The following ALG1L2 variants were observed in gnomAD, a reference collection of about 807,000 sequenced individuals.
ALG1L2 encodes the protein putative glycosyltransferase ALG1L2.
ALG1L2 carries 32 observed loss-of-function variants against 29.0 expected under a neutral mutation model. The observed-to-expected ratio is 1.10, with a 90% CI of 0.83 to 1.48. The LOEUF is 1.48. Ranked by LOEUF, ALG1L2 falls within the 40% of genes most tolerant of loss-of-function variation. The pLI, the probability that ALG1L2 is intolerant of heterozygous loss-of-function variation, is 0.00. For missense variants in ALG1L2, 318 were observed against 274.1 expected, an observed-to-expected ratio of 1.16 and a Z score of -1.13; for synonymous variants, 110 against 109.5, an observed-to-expected ratio of 1.00 and a Z score of -0.03.
intron 1 of ALG1L2, 119 bp from the exon 2 acceptor site, chr3:130,091,142 A>G (rs1428914195): frequency 1.1e-6 from 1 of 903,484 alleles, no homozygotes; most frequent in Non-Finnish European, 1.7e-6. Flanking sequence ...GAAGAAGGAA[A>G]TAAAGGTTGT....
At chr3:130,086,495 C>T (rs1256642801) in intron 1 of ALG1L2, among the ~76,000 whole-genome samples, 10 of 149,048 alleles carry the variant, frequency 6.7e-5, no homozygotes, top group East Asian at 1.9e-4. Flanking sequence ...AGTGAGACCT[C>T]GTCTCTACAA....
chr3:130,094,989 G>A (rs1218623389), intron 5 of ALG1L2, among the ~76,000 whole-genome samples: 1 of 152,160 alleles, frequency 6.6e-6, no homozygotes, highest in Non-Finnish European at 1.5e-5. Flanking sequence ...TTCCAGCTTC[G>A]AGTGAGCAGA....
At chr3:130,088,723 T>A (rs1934946280) in intron 1 of ALG1L2, among the ~76,000 whole-genome samples, 1 of 151,648 alleles carries the variant, frequency 6.6e-6, no homozygotes, top group Admixed American at 6.6e-5. Flanking sequence ...CTGCCTGATC[T>A]AATGGTTTTA....
chr3:130,086,431 C>G (rs187447874), intron 1 of ALG1L2, among the ~76,000 whole-genome samples: 1 of 149,760 alleles, frequency 6.7e-6, no homozygotes, highest in African/African-American at 2.4e-5. Context: ...CTTTGGGAGG[C>G]CAAGGCGGGA....
At position 130,086,087 on chromosome 3, in the gene ALG1L2, C is replaced by T. The variant is rs192770055; in HGVS notation, c.20+4051C>T. Among the ~76,000 whole-genome samples, 836 of 151,538 alleles carry T rather than the reference C, an allele frequency of 5.5e-3. 1 individual carries two copies. The highest frequency in any genetic ancestry group is 8.4e-3 in the Non-Finnish European group (571 of 67,654). ...GGTCCCAGGTGGACAGAAATCACCA[C>T]GATCCCCTCTTGGCCCCAACCAACA... On this transcript the variant is annotated intron_variant, in intron 1 of 7. Transcript: ENST00000425059.
chr3:130,081,908 G>C lies in ALG1L2; in HGVS notation c.-109G>C. ...AGACAGGTGTGCAAAGGCTCAGAGG[G>C]AGCTTCTCCAGGATCAGCAGAGCTC... On this transcript the variant is annotated 5_prime_UTR_variant, in exon 1 of 8. Coordinates refer to ENST00000425059, the MANE Select transcript of ALG1L2 (RefSeq NM_001136152.1). The C allele has an allele frequency of 7.4e-7, 1 of 1,359,536 alleles. No homozygotes were observed. The highest frequency in any genetic ancestry group is 1.0e-6 in the Non-Finnish European group (1 of 975,036). 84.2% of individuals were successfully genotyped at this position (1,359,536 alleles called of 1,614,324 possible).
chr3:130,091,021 C>G (rs1009018921), intron 1 of ALG1L2: 6 of 512,124 alleles, frequency 1.2e-5, no homozygotes, highest in African/African-American at 1.2e-4. Flanking sequence ...TTAGACCTAG[C>G]CTGGTGCAAT....
intron 7 of ALG1L2, 31 bp downstream of exon 7, chr3:130,097,281 A>G (rs765309879): frequency 1.2e-6 from 2 of 1,601,800 alleles, no homozygotes; most frequent in South Asian, 2.2e-5. Flanking sequence ...GCCAGGGTGG[A>G]CAGGGTTCTG....
At chr3:130,092,312 C>T (rs1935035783) in intron 3 of ALG1L2, 90 bp downstream of exon 3, 2 of 1,589,304 alleles carry the variant, frequency 1.3e-6, no homozygotes, top group Admixed American at 1.8e-5. Flanking sequence ...CTGCATGCCC[C>T]AACCCCACCA....
chr3:130,087,215 G>A (rs1199057269), intron 1 of ALG1L2, among the ~76,000 whole-genome samples: 1 of 150,556 alleles, frequency 6.6e-6, no homozygotes, highest in Non-Finnish European at 1.5e-5. Flanking sequence ...CTGATGCAAT[G>A]CACAGAGAAC....
rs533965638 is a variant in ALG1L2 at position 130,098,344 on chromosome 3, C to T, written c.*89C>T. 25 of 1,596,374 alleles carry T rather than the reference C, an allele frequency of 1.6e-5. No homozygotes were observed. The African/African-American group carries it at 2.8e-4, about 18-fold the overall frequency. On this transcript the variant is annotated 3_prime_UTR_variant, in exon 8 of 8. Transcript: ENST00000425059. ...TGAGAGCTGGGTGCAGACTGTGCTC[C>T]CTTTGGTTATGGACACATAACTCCT...
At chr3:130,091,978 T>A in intron 2 of ALG1L2, 123 bp from the exon 3 acceptor site, 1 of 1,502,970 alleles carries the variant, frequency 6.7e-7, no homozygotes, top group Non-Finnish European at 9.0e-7. Flanking sequence ...GGCCTGGTGC[T>A]GCTGATGCAG....
In ALG1L2 at chr3:130,081,854, A is replaced by G. The variant is rs1282787476; in HGVS notation, c.-163A>G. 2.0e-6 allele frequency: 2 copies of G among 1,013,332 alleles called. No individual in the cohort carries two copies. Among genetic ancestry groups the G allele is most frequent in the African/African-American group, 3.1e-5 (2 of 64,534 alleles). 62.8% of individuals were successfully genotyped at this position (1,013,332 alleles called of 1,614,324 possible). Reference sequence around the variant, plus strand: ...AGGTGGGAGGTGACACCAGGAGGTAACCAGGTGGAAATCACCCTCAAGTAG... The same window carrying G: ...AGGTGGGAGGTGACACCAGGAGGTAGCCAGGTGGAAATCACCCTCAAGTAG... On this transcript the variant is annotated 5_prime_UTR_variant, in exon 1 of 8. Coordinates refer to ENST00000425059, the MANE Select transcript of ALG1L2 (RefSeq NM_001136152.1).
chr3:130,092,968 T>C (rs1935049794), intron 3 of ALG1L2, 133 bp from the exon 4 acceptor site: 1 of 860,670 alleles, frequency 1.2e-6, no homozygotes, highest in Admixed American at 3.1e-5. Context: ...AGGCAGAGGT[T>C]GCAGTGAGCT....
chr3:130,093,113 T>A lies in ALG1L2; in HGVS notation c.266T>A (p.Leu89Gln). The A allele has an allele frequency of 6.2e-7, 1 of 1,609,240 alleles. No homozygotes were observed. The highest frequency in any genetic ancestry group is 8.5e-7 in the Non-Finnish European group (1 of 1,178,718). Residue 89 changes from leucine (L) to glutamine (Q), a missense_variant, in exon 4 of 8, where the codon CTG (leucine) becomes CAG (glutamine). Leu to Gln is a moderately radical substitution (Grantham distance 113). Coordinates refer to ENST00000425059, the MANE Select transcript of ALG1L2 (RefSeq NM_001136152.1). ...SSTSWTEFEQ[L>Q]TLDGQNLPSL... is the part of the protein sequence containing the mutation. Reference sequence around the variant, plus strand: ...TTTTTAAACACAGAGTTTGAACAACTGACTCTTGACGGACAGAACCTTCCT... The same window carrying A: ...TTTTTAAACACAGAGTTTGAACAACAGACTCTTGACGGACAGAACCTTCCT...
chr3:130,086,813 G>A (rs370099138), intron 1 of ALG1L2, among the ~76,000 whole-genome samples: 1 of 150,482 alleles, frequency 6.6e-6, no homozygotes, highest in African/African-American at 2.4e-5. Context: ...CCACAGTGTA[G>A]CCCTCAGCAA....
At chr3:130,089,841 T>C (rs112761923) in intron 1 of ALG1L2, among the ~76,000 whole-genome samples, 2 of 152,240 alleles carry the variant, frequency 1.3e-5, no homozygotes, top group Non-Finnish European at 2.9e-5. Flanking sequence ...AGGAGTTCGA[T>C]ACCAGCCCAG....
intron 7 of ALG1L2, 97 bp from the exon 8 acceptor site, chr3:130,098,126 T>A: frequency 6.5e-7 from 1 of 1,526,926 alleles, no homozygotes; most frequent in Non-Finnish European, 8.9e-7. Flanking sequence ...AGCTAGGGAC[T>A]TGGGAGGGGT....
At chr3:130,092,426 T>C (rs1049498925) in intron 3 of ALG1L2, among the ~76,000 whole-genome samples, 8 of 152,244 alleles carry the variant, frequency 5.3e-5, no homozygotes, top group African/African-American at 1.9e-4. Context: ...CTTCTCTATC[T>C]TGCTGGCAGC....
Sources: allele counts gnomAD v4.1 joint callset (sites outside exome capture counted in the v4.1 genomes callset), GRCh38; gene constraint gnomAD v4.1.1; transcripts MANE v1.5; gene names NCBI Gene and HGNC (gene_info 2026-07-23, HGNC 2026-07-21).